PRKCE: variants seen among roughly 807,000 people sequenced by gnomAD.
PRKCE encodes protein kinase C epsilon type.
PRKCE carries 16 observed loss-of-function variants against 85.4 expected under a neutral mutation model. The observed-to-expected ratio is 0.19, with a 90% CI of 0.13 to 0.28. The LOEUF is 0.28. Among genes scored for constraint, PRKCE ranks in the 10% least tolerant of loss-of-function variants. The pLI is 1.00. For missense variants in PRKCE, 573 were observed against 975.2 expected, an observed-to-expected ratio of 0.59 and a Z score of 5.49; for synonymous variants, 388 against 371.5, an observed-to-expected ratio of 1.04 and a Z score of -0.51.
intron 11 of PRKCE, among the ~76,000 whole-genome samples, chr2:46,114,242 G>C (rs1411347620): frequency 1.3e-5 from 2 of 152,048 alleles, no homozygotes; most frequent in Non-Finnish European, 2.9e-5. Flanking sequence ...AACCTGTGCA[G>C]ACCTCAGCCT....
intron 1 of PRKCE, among the ~76,000 whole-genome samples, chr2:45,653,495 T>C (rs1421489708): frequency 6.6e-6 from 1 of 151,256 alleles, no homozygotes; most frequent in East Asian, 2.0e-4. Flanking sequence ...TCTGGAGGTA[T>C]ATGTTTTCAG....
chr2:46,021,347 T>C (rs147126626), intron 10 of PRKCE, among the ~76,000 whole-genome samples: 42 of 152,316 alleles, frequency 2.8e-4, no homozygotes, highest in African/African-American at 9.4e-4. Context: ...ACTTAAATCA[T>C]AGCCTGACAG....
chr2:45,995,660 C>T lies in PRKCE; in HGVS notation c.824-5744C>T, dbSNP rs1028822548. ...CAAAGATCAGTTGGCTGTATTTGTG[C>T]GGGTCTGCTCTGGGCTGTCTGTTCT... On this transcript the variant is annotated intron_variant, in intron 6 of 14. Coordinates refer to ENST00000306156, the MANE Select transcript of PRKCE (RefSeq NM_005400.3). Among the ~76,000 whole-genome samples, 8 of 152,222 alleles carry T rather than the reference C, an allele frequency of 5.3e-5. No individual in the cohort carries two copies. The South Asian group carries it at 1.0e-3, about 20-fold the overall frequency.
chr2:45,671,590 C>G lies in PRKCE; in HGVS notation c.348+19142C>G, dbSNP rs140649055. ...GCCTTCCATTCCCCTCTGCCTCCCC[C>G]CACCAGCCTTCTCTCACTTTCTTTC... On this transcript the variant is annotated intron_variant, in intron 1 of 14. Transcript: ENST00000306156. Among the ~76,000 whole-genome samples, 85 of 152,286 alleles carry G rather than the reference C, an allele frequency of 5.6e-4. 1 individual carries two copies. Among genetic ancestry groups the G allele is most frequent in the African/African-American group, 2.0e-3 (82 of 41,556 alleles).
chr2:46,084,354 G>C (rs187011830), intron 10 of PRKCE, among the ~76,000 whole-genome samples: 32 of 152,264 alleles, frequency 2.1e-4, no homozygotes, highest in Admixed American at 2.0e-3. Context: ...AAGCTCATTG[G>C]TAAATGTTAC....
chr2:45,687,248 G>C (rs139741272), intron 1 of PRKCE, among the ~76,000 whole-genome samples: 158 of 152,072 alleles, frequency 1.0e-3, no homozygotes, highest in African/African-American at 3.7e-3. Flanking sequence ...AATTTATAAA[G>C]TATTCTAATA....
intron 2 of PRKCE, among the ~76,000 whole-genome samples, chr2:45,962,704 T>C (rs1363966624): frequency 6.6e-6 from 1 of 152,092 alleles, no homozygotes; most frequent in Non-Finnish European, 1.5e-5. Flanking sequence ...AAGGCCCGAA[T>C]AACTGGGAAT....
chr2:45,924,253 A>T (rs1698452225), intron 2 of PRKCE, among the ~76,000 whole-genome samples: 1 of 152,202 alleles, frequency 6.6e-6, no homozygotes, highest in Non-Finnish European at 1.5e-5. Flanking sequence ...CTTTATAAGA[A>T]TGGGAAAGAG....
intron 1 of PRKCE, among the ~76,000 whole-genome samples, chr2:45,771,313 G>A (rs181451441): frequency 6.6e-6 from 1 of 152,330 alleles, no homozygotes; most frequent in East Asian, 1.9e-4. Flanking sequence ...GCTCCAAGAG[G>A]CTCACGTTAG....
intron 1 of PRKCE, among the ~76,000 whole-genome samples, chr2:45,829,349 G>T (rs1308266646): frequency 6.6e-6 from 1 of 152,164 alleles, no homozygotes; most frequent in African/African-American, 2.4e-5. Context: ...TACTTCAGAT[G>T]ACATATTTTG....
intron 1 of PRKCE, among the ~76,000 whole-genome samples, chr2:45,755,852 T>C (rs890610365): frequency 6.6e-6 from 1 of 152,094 alleles, no homozygotes; most frequent in African/African-American, 2.4e-5. Flanking sequence ...GAAAGCTCCT[T>C]GGGGCTGGAG....
intron 11 of PRKCE, among the ~76,000 whole-genome samples, chr2:46,130,194 G>A (rs1463401983): frequency 1.3e-5 from 2 of 152,024 alleles, no homozygotes; most frequent in Non-Finnish European, 2.9e-5. Context: ...AAATTGGAAA[G>A]AGACAAATAA....
intron 2 of PRKCE, among the ~76,000 whole-genome samples, chr2:45,910,852 C>T (rs1374066885): frequency 6.6e-6 from 1 of 152,116 alleles, no homozygotes. Flanking sequence ...TGGACAGAGT[C>T]CCACGCTGGT....
intron 2 of PRKCE, among the ~76,000 whole-genome samples, chr2:45,931,282 T>TCACA (rs1699024746): frequency 6.6e-6 from 1 of 152,242 alleles, no homozygotes; most frequent in Non-Finnish European, 1.5e-5. Flanking sequence ...CCTGGCTTTG[T>TCACA]GCTCAATGCT....
At chr2:45,808,653 G>GCTGT (rs916572081) in intron 1 of PRKCE, among the ~76,000 whole-genome samples, 73 of 152,270 alleles carry the variant, frequency 4.8e-4, no homozygotes, top group African/African-American at 1.7e-3. Context: ...TGGTGGGAGG[G>GCTGT]CTGTCTCTGC....
chr2:45,737,602 G>C (rs1487510848), intron 1 of PRKCE, among the ~76,000 whole-genome samples: 1 of 152,044 alleles, frequency 6.6e-6, no homozygotes, highest in East Asian at 1.9e-4. Flanking sequence ...GTGATGTGTA[G>C]ATGTTCCCCA....
chr2:45,993,674 C>A (rs903783331), intron 6 of PRKCE, among the ~76,000 whole-genome samples: 4 of 152,036 alleles, frequency 2.6e-5, no homozygotes, highest in Non-Finnish European at 4.4e-5. Flanking sequence ...TTCTCTTTTC[C>A]GTCACTTCAC....
intron 1 of PRKCE, among the ~76,000 whole-genome samples, chr2:45,704,289 T>C (rs963802077): frequency 6.6e-6 from 1 of 152,208 alleles, no homozygotes; most frequent in Non-Finnish European, 1.5e-5. Flanking sequence ...TTCTGGTTTG[T>C]AGATTGTTCA....
intron 1 of PRKCE, among the ~76,000 whole-genome samples, chr2:45,713,884 AC>A (rs1679869087): frequency 6.6e-6 from 1 of 152,210 alleles, no homozygotes; most frequent in African/African-American, 2.4e-5. Flanking sequence ...TACACAAAGG[AC>A]TTTTATTCTA....
Sources: allele counts gnomAD v4.1 joint callset (sites outside exome capture counted in the v4.1 genomes callset), GRCh38; gene constraint gnomAD v4.1.1; transcripts MANE v1.5; gene names NCBI Gene and HGNC (gene_info 2026-07-23, HGNC 2026-07-21).